Variants in AFF2 observed in about 807,000 individuals in gnomAD.
AFF2 encodes the protein AF4/FMR2 family member 2.
Under a neutral mutation model 76.9 loss-of-function variants are expected in AFF2, and 14 were observed. The ratio of observed to expected loss-of-function variants is 0.18; its 90% CI spans 0.12 to 0.28. The LOEUF is 0.28. AFF2 is among the 10% of genes least tolerant of loss of function. AFF2 has a pLI of 1.00. For missense variants in AFF2, 868 were observed against 1,001.1 expected (o/e 0.87, Z 1.79); for synonymous variants, 398 against 366.7 (o/e 1.09, Z -0.98).
At chrX:148,786,000 G>A (rs1221158330) in intron 3 of AFF2, among the ~76,000 whole-genome samples, 4 of 111,593 alleles carry the variant, frequency 3.6e-5, no homozygotes, top group Non-Finnish European at 5.6e-5. Flanking sequence ...GTAACATAGG[G>A]ATAATGTAGA....
intron 3 of AFF2, among the ~76,000 whole-genome samples, chrX:148,732,482 G>C (rs1372155111): frequency 4.2e-4 from 38 of 89,635 alleles, no homozygotes; most frequent in African/African-American, 1.6e-3. Context: ...GCTAGATGAC[G>C]AGTTAGTGGG....
intron 1 of AFF2, among the ~76,000 whole-genome samples, chrX:148,632,486 GA>G (rs782513101): frequency 9.0e-6 from 1 of 111,663 alleles, no homozygotes; most frequent in South Asian, 3.8e-4. Flanking sequence ...AAAGGAGTTT[GA>G]AATATAAACA....
chrX:148,815,616 A>T (rs375399684), intron 4 of AFF2, among the ~76,000 whole-genome samples: 1 of 111,248 alleles, frequency 9.0e-6, no homozygotes, highest in South Asian at 3.8e-4. Context: ...CAGTTTAAAT[A>T]TTTTTATATG....
At chrX:148,591,734 T>G (rs948160355) in intron 1 of AFF2, among the ~76,000 whole-genome samples, 1 of 112,130 alleles carries the variant, frequency 8.9e-6, no homozygotes, top group Non-Finnish European at 1.9e-5. Flanking sequence ...GTGACCACTT[T>G]CAAGTACTAA....
At chrX:148,939,006 G>A (rs1281355138) in intron 9 of AFF2, among the ~76,000 whole-genome samples, 1 of 110,966 alleles carries the variant, frequency 9.0e-6, no homozygotes, top group African/African-American at 3.3e-5. Context: ...TATTATAAAG[G>A]ACCATTAAAA....
intron 1 of AFF2, among the ~76,000 whole-genome samples, chrX:148,574,196 T>A (rs1557243003): frequency 9.0e-6 from 1 of 111,474 alleles, no homozygotes; most frequent in Non-Finnish European, 1.9e-5. Context: ...GTAATCCTTG[T>A]CTATAGTGTA....
At chrX:148,594,753 G>A (rs1170771642) in intron 1 of AFF2, among the ~76,000 whole-genome samples, 2 of 112,065 alleles carry the variant, frequency 1.8e-5, no homozygotes, top group Admixed American at 9.5e-5. Flanking sequence ...ATAAAATATA[G>A]AGGATTGATT....
intron 7 of AFF2, among the ~76,000 whole-genome samples, chrX:148,853,534 C>A (rs1354445012): frequency 8.9e-6 from 1 of 112,048 alleles, no homozygotes; most frequent in Non-Finnish European, 1.9e-5. Flanking sequence ...TTTGCAGTCA[C>A]CTGCTCTCAT....
intron 3 of AFF2, among the ~76,000 whole-genome samples, chrX:148,788,115 C>T (rs1469334843): frequency 9.0e-6 from 1 of 111,651 alleles, no homozygotes; most frequent in African/African-American, 3.3e-5. Context: ...TGATCTATAT[C>T]TCCCTACTAA....
intron 1 of AFF2, among the ~76,000 whole-genome samples, chrX:148,567,925 C>T (rs1363144796): frequency 1.1e-4 from 12 of 111,530 alleles, no homozygotes; most frequent in Non-Finnish European, 2.3e-4. Context: ...TTTAAGCATA[C>T]ACATTAGTAA....
chrX:148,867,306 A>T (rs781939074), intron 7 of AFF2, among the ~76,000 whole-genome samples: 2 of 112,215 alleles, frequency 1.8e-5, no homozygotes, highest in Non-Finnish European at 3.8e-5. Flanking sequence ...AAGGGCAAGT[A>T]TCTGGAGAAG....
At chrX:148,694,846 C>T (rs1469741633) in intron 3 of AFF2, among the ~76,000 whole-genome samples, 2 of 87,993 alleles carry the variant, frequency 2.3e-5, no homozygotes, top group Admixed American at 1.4e-4. Flanking sequence ...GATGGAGTCT[C>T]GCTCTGTCGC....
At chrX:148,888,661 C>T (rs149610928) in intron 8 of AFF2, among the ~76,000 whole-genome samples, 297 of 111,688 alleles carry the variant, frequency 2.7e-3, no homozygotes, top group African/African-American at 8.8e-3. Context: ...TTGGGACAGT[C>T]ATACCTCCAG....
At position 148,701,054 on chromosome X, in the gene AFF2, T is replaced by TGTG. The variant is rs2054791976; in HGVS notation, c.1041+38286_1041+38287insGTG. ...TGTGTGTGTGTGTGTGTGTGTGTGT[T>TGTG]TTGTGCCCATGTGCACATGTGCCCA... On this transcript the variant is annotated intron_variant, in intron 3 of 20. Coordinates refer to ENST00000370460, the MANE Select transcript of AFF2 (RefSeq NM_002025.4). Among the ~76,000 whole-genome samples, 3 of 58,968 alleles carry TGTG rather than the reference T, an allele frequency of 5.1e-5. No individual in the cohort carries two copies. The South Asian group carries it at 2.8e-3, about 55-fold the overall frequency. The allele number at this position is 58,968 out of a possible 115,157, so 51.2% of individuals were successfully genotyped here.
chrX:148,548,131 G>C (rs999538155), intron 1 of AFF2, among the ~76,000 whole-genome samples: 3 of 112,559 alleles, frequency 2.7e-5, no homozygotes, highest in Non-Finnish European at 5.6e-5. Context: ...GCTTTGTGCT[G>C]TATCTGTGTC....
chrX:148,623,741 G>A (rs782562096), intron 1 of AFF2, among the ~76,000 whole-genome samples: 27 of 110,470 alleles, frequency 2.4e-4, no homozygotes, highest in South Asian at 1.5e-3. Context: ...TGGAAGACTC[G>A]TGTAGGTATT....
intron 9 of AFF2, among the ~76,000 whole-genome samples, chrX:148,938,485 A>G (rs1403163119): frequency 4.5e-5 from 5 of 112,189 alleles, no homozygotes; most frequent in Non-Finnish European, 9.4e-5. Flanking sequence ...CACAACTCAT[A>G]AAAACCATCA....
intron 3 of AFF2, among the ~76,000 whole-genome samples, chrX:148,691,803 C>G (rs2054653828): frequency 9.0e-6 from 1 of 111,504 alleles, no homozygotes; most frequent in African/African-American, 3.3e-5. Flanking sequence ...ATAGTGATGG[C>G]TGACATTACT....
intron 3 of AFF2, among the ~76,000 whole-genome samples, chrX:148,674,428 T>C (rs1557259314): frequency 9.0e-6 from 1 of 111,417 alleles, no homozygotes; most frequent in East Asian, 2.8e-4. Flanking sequence ...GTTTTGTTCT[T>C]GTACAGAGCA....
Sources: gnomAD v4.1 joint callset for allele counts (sites outside exome capture counted in the v4.1 genomes callset) on GRCh38, gnomAD v4.1.1 for gene constraint, MANE v1.5 for transcripts, NCBI Gene and HGNC (gene_info 2026-07-23, HGNC 2026-07-21) for gene names.